The following PDZD8 variants were observed in gnomAD, a reference collection of about 807,000 sequenced individuals.
PDZD8 encodes the protein PDZ domain containing 8, also known as PDZ domain-containing protein 8.
In PDZD8, 14 loss-of-function variants were observed where a neutral mutation model predicts 85.8. That is an observed-to-expected ratio of 0.16 (90% CI 0.11 to 0.26). The LOEUF (loss-of-function observed/expected upper bound fraction) is 0.26. Among genes scored for constraint, PDZD8 ranks in the 10% least tolerant of loss-of-function variants. The pLI is 1.00. For synonymous variants in PDZD8, 592 were observed against 568.6 expected, an observed-to-expected ratio of 1.04 and a Z score of -0.59; for missense variants, 1,197 against 1,424.3, an observed-to-expected ratio of 0.84 and a Z score of 2.57.
intron 1 of PDZD8, among the ~76,000 whole-genome samples, chr10:117,348,715 C>T (rs905770480): frequency 8.5e-5 from 13 of 152,168 alleles, no homozygotes; most frequent in African/African-American, 2.4e-5. Flanking sequence ...AACCTGATTA[C>T]CTTGGTAAAA....
intron 1 of PDZD8, among the ~76,000 whole-genome samples, chr10:117,369,949 G>C (rs1185785895): frequency 6.6e-6 from 1 of 151,998 alleles, no homozygotes; most frequent in Non-Finnish European, 1.5e-5. Flanking sequence ...GCATCCGTAA[G>C]AATCTCAAAT....
At chr10:117,325,403 A>ATTTTTTTTTTTTTTTTT (rs1564700233) in intron 2 of PDZD8, among the ~76,000 whole-genome samples, 1 of 20,026 alleles carries the variant, frequency 5.0e-5, no homozygotes, top group Non-Finnish European at 1.2e-4. Flanking sequence ...AGAAAAGCCA[A>ATTTTTTTTTTTTTTTTT]CTTTTTTTTT....
At chr10:117,372,000 T>G (rs1845202154) in intron 1 of PDZD8, among the ~76,000 whole-genome samples, 1 of 152,148 alleles carries the variant, frequency 6.6e-6, no homozygotes, top group Non-Finnish European at 1.5e-5. Context: ...CAATTCTCAC[T>G]AGACTCTAAG....
At chr10:117,290,404 G>GA in intron 3 of PDZD8, 56 bp from the exon 4 acceptor site, 6 of 1,375,188 alleles carry the variant, frequency 4.4e-6, no homozygotes, top group East Asian at 2.3e-5. Context: ...AGTAATAGAG[G>GA]AAAAAAACAG....
Position 117,279,107 on chromosome 10 carries a change from T to G in PDZD8, c.*4161A>C, listed in dbSNP as rs1434798617. On this transcript the variant is annotated 3_prime_UTR_variant, in exon 5 of 5. Coordinates refer to ENST00000334464, the MANE Select transcript of PDZD8 (RefSeq NM_173791.5). The stretch of plus-strand genomic sequence containing the variant: ...CTGCTGTTGGTCCCTCGGGATAAGA[T>G]AAAATATAAATAAAACCTTCAGAAC... 1 of 152,204 alleles carries G rather than the reference T, an allele frequency of 6.6e-6. No homozygotes were observed. Among genetic ancestry groups the G allele is most frequent in the African/African-American group, 2.4e-5 (1 of 41,462 alleles). The allele number at this position is 152,204 out of a possible 1,614,324, so 9.4% of individuals were successfully genotyped here. A position where few individuals can be genotyped will look rare whatever the true frequency, so the allele number is the denominator to read the frequency against.
chr10:117,283,507 C>G lies in PDZD8; in HGVS notation c.3226G>C (p.Ala1076Pro), dbSNP rs767583453. The change falls in exon 5 of 5, where the codon GCC (alanine) becomes CCC (proline). Residue 1076 changes from alanine to proline, a missense_variant. Around this residue, in one of 4 missense-constraint regions of PDZD8, gnomAD observed 418 missense variants for 571.1 expected, o/e 0.73. Coordinates refer to ENST00000334464, the MANE Select transcript of PDZD8 (RefSeq NM_173791.5). ...DTRKKSLLSA[A>P]LAKSGERLQA... ...AGCCTTTCACCTGATTTAGCTAAGG[C>G]AGCAGAAAGAAGTGATTTTTTCCTT... 8 of 1,614,082 alleles carry G rather than the reference C, an allele frequency of 5.0e-6. No individual in the cohort carries two copies. Among genetic ancestry groups the G allele is most frequent in the South Asian group, 2.2e-5 (2 of 91,088 alleles).
intron 4 of PDZD8, among the ~76,000 whole-genome samples, chr10:117,286,416 T>C (rs531283312): frequency 6.6e-6 from 1 of 152,330 alleles, no homozygotes; most frequent in Non-Finnish European, 1.5e-5. Context: ...GAGAAGGCTC[T>C]TTGTTTTCCA....
At chr10:117,296,011 G>T (rs1843751724) in intron 3 of PDZD8, among the ~76,000 whole-genome samples, 1 of 151,292 alleles carries the variant, frequency 6.6e-6, no homozygotes, top group South Asian at 2.1e-4. Flanking sequence ...AAAGTGTAAA[G>T]ATCGGAAGGG....
chr10:117,338,109 G>T (rs1844548871), intron 2 of PDZD8, among the ~76,000 whole-genome samples: 1 of 151,592 alleles, frequency 6.6e-6, no homozygotes, highest in Non-Finnish European at 1.5e-5. Flanking sequence ...AAATCTACCT[G>T]AACAGAGTTT....
At chr10:117,324,390 A>G (rs1472002223) in intron 2 of PDZD8, among the ~76,000 whole-genome samples, 1 of 151,080 alleles carries the variant, frequency 6.6e-6, no homozygotes, top group Non-Finnish European at 1.5e-5. Flanking sequence ...ATTTTTGGTT[A>G]TTATGTTAAA....
chr10:117,291,530 GA>G (rs71013655), intron 3 of PDZD8, among the ~76,000 whole-genome samples: 2 of 143,922 alleles, frequency 1.4e-5, no homozygotes, highest in Non-Finnish European at 3.0e-5. Flanking sequence ...CTCCACCTCA[GA>G]AAAAAAAAAA....
chr10:117,361,040 G>C (rs887203559), intron 1 of PDZD8, among the ~76,000 whole-genome samples: 1 of 152,156 alleles, frequency 6.6e-6, no homozygotes, highest in Non-Finnish European at 1.5e-5. Context: ...TTAGCTGTGA[G>C]GGTGATGATG....
At chr10:117,344,731 T>A (rs1844675236) in intron 1 of PDZD8, among the ~76,000 whole-genome samples, 1 of 152,102 alleles carries the variant, frequency 6.6e-6, no homozygotes, top group Non-Finnish European at 1.5e-5. Context: ...GGCTCCCTCA[T>A]CCCACAGCTC....
chr10:117,359,149 T>C (rs1472293207), intron 1 of PDZD8, among the ~76,000 whole-genome samples: 1 of 152,176 alleles, frequency 6.6e-6, no homozygotes, highest in Non-Finnish European at 1.5e-5. Flanking sequence ...GCGTGGTGGC[T>C]GATGCCTGTA....
chr10:117,301,322 C>A (rs1016048373), intron 3 of PDZD8, among the ~76,000 whole-genome samples: 1 of 152,084 alleles, frequency 6.6e-6, no homozygotes, highest in African/African-American at 2.4e-5. Context: ...ATACAAATCA[C>A]CTTTGTTTGG....
At position 117,375,108 on chromosome 10, in the gene PDZD8, G is replaced by C; in HGVS notation, c.120C>G (p.Arg40=). ...TGATGTAGCGGAAGCCCTCGCCCGC[G>C]CGGGCGGCCTCGTCCGCCGGCGGCT... The part of the protein sequence containing the change: ...QPEPPADEAA[R]AGEGFRYIKP... The change falls in exon 1 of 5, where the codon CGC becomes CGG. Residue 40 remains arginine (R), a synonymous_variant. Transcript: ENST00000334464. 1 of 1,595,058 alleles carries C rather than the reference G, an allele frequency of 6.3e-7. No individual in the cohort carries two copies. Among genetic ancestry groups the C allele is most frequent in the Non-Finnish European group, 8.5e-7 (1 of 1,175,938 alleles).
chr10:117,283,256 T>C lies in PDZD8; in HGVS notation c.*12A>G, dbSNP rs185939030. 3.8e-6 allele frequency: 6 copies of C among 1,590,578 alleles called. No individual in the cohort carries two copies. Among genetic ancestry groups the C allele is most frequent in the Admixed American group, 1.8e-5 (1 of 54,770 alleles). ...TACCCTGTTCATTTGAAAGCTTAAA[T>C]AGACCTGTCTGCTACACAGACTCGG... On this transcript the variant is annotated 3_prime_UTR_variant, in exon 5 of 5. Transcript: ENST00000334464.
At chr10:117,368,748 A>G (rs938199239) in intron 1 of PDZD8, among the ~76,000 whole-genome samples, 1 of 151,582 alleles carries the variant, frequency 6.6e-6, no homozygotes, top group Non-Finnish European at 1.5e-5. Context: ...AGGAGACACT[A>G]TCTACTTACC....
At chr10:117,365,643 T>A (rs1429405223) in intron 1 of PDZD8, among the ~76,000 whole-genome samples, 1 of 152,188 alleles carries the variant, frequency 6.6e-6, no homozygotes, top group African/African-American at 2.4e-5. Context: ...AACGTGCATA[T>A]CACATTTTTC....
Sources: allele counts gnomAD v4.1 joint callset (sites outside exome capture counted in the v4.1 genomes callset), GRCh38; gene constraint gnomAD v4.1.1; regional missense constraint gnomAD v4.1.1; transcripts MANE v1.5; gene names NCBI Gene and HGNC (gene_info 2026-07-23, HGNC 2026-07-21).